Variants in PTPRD observed in about 807,000 individuals in gnomAD.
The protein encoded by PTPRD is receptor-type tyrosine-protein phosphatase delta.
A neutral mutation model predicts 214.5 loss-of-function variants in PTPRD; 34 were observed. That is an observed-to-expected ratio of 0.16 (90% CI 0.12 to 0.21). PTPRD has a LOEUF of 0.21. PTPRD is among the 10% of genes least tolerant of loss of function. The probability of loss-of-function intolerance (pLI) is 1.00; values close to 1 mark genes in which losing one functional copy is unlikely to be tolerated. For synonymous variants in PTPRD, 1,128 were observed against 845.7 expected, an observed-to-expected ratio of 1.33 and a Z score of -5.79; for missense variants, 2,545 against 2,398.7, an observed-to-expected ratio of 1.06 and a Z score of -1.27.
intron 10 of PTPRD, among the ~76,000 whole-genome samples, chr9:9,052,945 T>C (rs1326701984): frequency 6.6e-6 from 1 of 152,200 alleles, no homozygotes; most frequent in East Asian, 1.9e-4. Context: ...TAATTTTACG[T>C]ACTGAAACAT....
At chr9:10,016,211 A>C (rs1457818813) in intron 4 of PTPRD, among the ~76,000 whole-genome samples, 1 of 152,168 alleles carries the variant, frequency 6.6e-6, no homozygotes, top group East Asian at 1.9e-4. Context: ...TATTAGAAAA[A>C]TGCTTGTTTT....
intron 2 of PTPRD, among the ~76,000 whole-genome samples, chr9:10,481,649 A>G (rs968935330): frequency 7.2e-5 from 11 of 152,314 alleles, no homozygotes; most frequent in African/African-American, 2.4e-4. Flanking sequence ...CATGACAGCC[A>G]TGAACTTATT....
At chr9:9,580,585 G>A (rs1183865484) in intron 7 of PTPRD, among the ~76,000 whole-genome samples, 1 of 116,034 alleles carries the variant, frequency 8.6e-6, no homozygotes, top group African/African-American at 3.4e-5. Context: ...GTCTTGCTCT[G>A]TCACCCAGAC....
intron 39 of PTPRD, among the ~76,000 whole-genome samples, chr9:8,371,668 A>G (rs1388450185): frequency 6.6e-6 from 1 of 152,120 alleles, no homozygotes; most frequent in East Asian, 1.9e-4. Flanking sequence ...AAAGAAATTC[A>G]TGCTCAAATT....
chr9:10,506,924 C>T (rs182292180), intron 2 of PTPRD, among the ~76,000 whole-genome samples: 17 of 151,988 alleles, frequency 1.1e-4, no homozygotes, highest in Admixed American at 1.0e-3. Flanking sequence ...TATTGAATAC[C>T]CTTAATTTCT....
intron 8 of PTPRD, among the ~76,000 whole-genome samples, chr9:9,403,379 T>C (rs111953287): frequency 0.018 from 2,602 of 148,010 alleles, 71 homozygotes; most frequent in African/African-American, 0.061. Flanking sequence ...CATGTATAAG[T>C]TGTGATACAT....
chr9:9,778,395 C>A (rs1044284784), intron 5 of PTPRD, among the ~76,000 whole-genome samples: 1 of 152,256 alleles, frequency 6.6e-6, no homozygotes, highest in South Asian at 2.1e-4. Context: ...CAGAGACAGG[C>A]CTTCAGGTGG....
At chr9:9,186,106 G>A (rs1033316473) in intron 9 of PTPRD, among the ~76,000 whole-genome samples, 10 of 151,986 alleles carry the variant, frequency 6.6e-5, no homozygotes, top group African/African-American at 2.4e-4. Flanking sequence ...TTATTTTCTG[G>A]AGATTGAGAA....
intron 5 of PTPRD, among the ~76,000 whole-genome samples, chr9:9,769,979 G>A (rs574163932): frequency 1.3e-5 from 2 of 152,246 alleles, no homozygotes; most frequent in East Asian, 3.9e-4. Flanking sequence ...TGGTGTATAT[G>A]TGCCACATTT....
chr9:8,762,227 T>G (rs563518027), intron 11 of PTPRD, among the ~76,000 whole-genome samples: 1 of 152,280 alleles, frequency 6.6e-6, no homozygotes, highest in African/African-American at 2.4e-5. Flanking sequence ...CATAACTAAT[T>G]TCATGGAGGC....
intron 11 of PTPRD, among the ~76,000 whole-genome samples, chr9:8,911,305 T>G (rs995402634): frequency 6.6e-6 from 1 of 152,090 alleles, no homozygotes; most frequent in Non-Finnish European, 1.5e-5. Flanking sequence ...TTAAGGTCAA[T>G]TGATTTTTGA....
intron 2 of PTPRD, among the ~76,000 whole-genome samples, chr9:10,521,324 C>T (rs2052190006): frequency 1.3e-5 from 2 of 152,114 alleles, no homozygotes; most frequent in East Asian, 1.9e-4. Flanking sequence ...GAATATGTGA[C>T]TGAATTGCTG....
At chr9:10,504,868 G>C (rs1352750764) in intron 2 of PTPRD, among the ~76,000 whole-genome samples, 1 of 152,036 alleles carries the variant, frequency 6.6e-6, no homozygotes, top group African/African-American at 2.4e-5. Flanking sequence ...TATTATATTA[G>C]GAGATGGATG....
chr9:10,000,552 G>C (rs925825981), intron 4 of PTPRD, among the ~76,000 whole-genome samples: 3 of 152,134 alleles, frequency 2.0e-5, no homozygotes, highest in Non-Finnish European at 4.4e-5. Context: ...ACTAACAACA[G>C]TTAGGTTTAC....
At chr9:9,077,547 T>C (rs1402679987) in intron 10 of PTPRD, among the ~76,000 whole-genome samples, 2 of 152,136 alleles carry the variant, frequency 1.3e-5, no homozygotes, top group African/African-American at 2.4e-5. Flanking sequence ...TCCTTTTTTA[T>C]GTTTATAGAG....
intron 2 of PTPRD, among the ~76,000 whole-genome samples, chr9:10,368,772 G>C (rs1174072797): frequency 6.6e-6 from 1 of 152,030 alleles, no homozygotes. Flanking sequence ...GGCATAATTA[G>C]ACCTATTTTG....
At chr9:8,750,276 G>C (rs1314925084) in intron 11 of PTPRD, among the ~76,000 whole-genome samples, 1 of 151,840 alleles carries the variant, frequency 6.6e-6, no homozygotes, top group Non-Finnish European at 1.5e-5. Context: ...TTCTGCCTCA[G>C]CCTCCCAAGT....
intron 5 of PTPRD, among the ~76,000 whole-genome samples, chr9:9,772,862 A>G (rs1209585946): frequency 6.6e-6 from 1 of 152,122 alleles, no homozygotes; most frequent in Non-Finnish European, 1.5e-5. Flanking sequence ...CAGTTATTTC[A>G]CTTCTAGGAA....
At chr9:9,732,646 G>A (rs891631855) in intron 7 of PTPRD, among the ~76,000 whole-genome samples, 1 of 152,156 alleles carries the variant, frequency 6.6e-6, no homozygotes, top group Non-Finnish European at 1.5e-5. Flanking sequence ...GGCAAAATTT[G>A]TGCTACCTAA....
Sources: allele counts gnomAD v4.1 joint callset (sites outside exome capture counted in the v4.1 genomes callset), GRCh38; gene constraint gnomAD v4.1.1; transcripts MANE v1.5; gene names NCBI Gene and HGNC (gene_info 2026-07-23, HGNC 2026-07-21).